Variants in TERT observed in about 807,000 individuals in gnomAD.
The protein encoded by TERT is telomerase catalytic subunit.
In TERT, 42 loss-of-function variants were observed where a neutral mutation model predicts 104.0. The ratio of observed to expected loss-of-function variants is 0.40; its 90% confidence interval spans 0.32 to 0.52. The LOEUF (loss-of-function observed/expected upper bound fraction) is 0.52, where lower values mean the gene tolerates loss of function less well. TERT is among the 20% of genes least tolerant of loss of function. TERT has a pLI of 0.43. For synonymous variants in TERT, 781 were observed against 725.6 expected (o/e 1.08, Z -1.23); for missense variants, 1,101 against 1,610.3 (o/e 0.68, Z 5.41).
Position 1,294,560 on chromosome 5 carries a change from C to T in TERT, c.326G>A (p.Gly109Glu). 6.3e-7 allele frequency: 1 copy of T among 1,581,530 alleles called. No homozygotes were observed. Among genetic ancestry groups the T allele is most frequent in the Middle Eastern group, 1.7e-4 (1 of 5,960 alleles). ...GGTGGTGAAGGCCTCGGGGGGGCCC[C>T]CGCGGGCCCCGTCCAGCAGCGCGAA... ...FGFALLDGAR[G>E]GPPEAFTTSV... is the part of the protein sequence containing the mutation. Residue 109 changes from glycine (G) to glutamate (E), a missense_variant, in exon 2 of 16, where the codon GGG becomes GAG. Physicochemically the swap from Gly to Glu is moderately conservative, Grantham distance 98. This residue lies in a region of TERT where 47 missense variants were observed against 105.3 expected (regional missense o/e 0.45). Transcript: ENST00000310581.
intron 3 of TERT, among the ~76,000 whole-genome samples, 178 bp from the exon 4 acceptor site, chr5:1,280,516 C>T (rs974987187): frequency 6.6e-6 from 1 of 152,176 alleles, no homozygotes; most frequent in Admixed American, 6.5e-5. Context: ...CTCTGAGAGC[C>T]CCTCTACTTG....
At chr5:1,254,268 T>C in intron 15 of TERT, 100 bp downstream of exon 15, 8 of 1,549,856 alleles carry the variant, frequency 5.2e-6, no homozygotes, top group Non-Finnish European at 6.2e-6. Context: ...CCCGGGGGCG[T>C]CTGCACTTCA....
rs1188675417 is a variant in TERT at position 1,274,852 on chromosome 5, G to A, written c.2287-2572C>T. Among the ~76,000 whole-genome samples the A allele has an allele frequency of 6.6e-6, 1 of 152,224 alleles. No individual in the cohort carries two copies. Among genetic ancestry groups the A allele is most frequent in the African/African-American group, 2.4e-5 (1 of 41,450 alleles). ...ATAATCGAAACTTTTCCTTCAAGGA[G>A]CCGGAAAAACAACAATAAACAAAGC... On this transcript the variant is annotated intron_variant, in intron 6 of 15. Transcript: ENST00000310581. The surrounding 1 kb of genome is among the most constrained non-coding windows in gnomAD (Gnocchi z 5.3).
rs1418217664 is a variant in TERT at position 1,274,554 on chromosome 5, C to T, written c.2287-2274G>A. Among the ~76,000 whole-genome samples the T allele has an allele frequency of 6.6e-6, 1 of 152,174 alleles. No homozygotes were observed. Among genetic ancestry groups the T allele is most frequent in the Admixed American group, 6.5e-5 (1 of 15,284 alleles). ...ACCTCAGATCATCAGGCATTAGATT[C>T]CCATAAGGAGCACAGAATCTAGACC... On this transcript the variant is annotated intron_variant, in intron 6 of 15. Transcript: ENST00000310581. The surrounding 1 kb of genome is among the most constrained non-coding windows in gnomAD (Gnocchi z 5.3).
chr5:1,266,326 C>T (rs1748597531), intron 10 of TERT, 138 bp downstream of exon 10: 5 of 867,736 alleles, frequency 5.8e-6, no homozygotes, highest in East Asian at 5.3e-5. Flanking sequence ...AGCGCCTCTG[C>T]TCTTGCGGAT....
chr5:1,256,818 C>G lies in TERT; in HGVS notation c.3033-1407G>C, dbSNP rs1401823243. ...AAACACCTAGCATGGGTGAGGGGCT[C>G]TCTTCCAAAGGGAGAAATAGCCACC... On this transcript the variant is annotated intron_variant, in intron 13 of 15. Coordinates refer to ENST00000310581, the MANE Select transcript of TERT (RefSeq NM_198253.3). The surrounding 1 kb of genome is among the most constrained non-coding windows in gnomAD (Gnocchi z 7.0). Among the ~76,000 whole-genome samples the G allele has an allele frequency of 2.0e-5, 3 of 152,232 alleles. No homozygotes were observed. Among genetic ancestry groups the G allele is most frequent in the Admixed American group, 2.0e-4 (3 of 15,284 alleles).
At chr5:1,289,253 G>GCCT in intron 2 of TERT, among the ~76,000 whole-genome samples, 1 of 144,868 alleles carries the variant, frequency 6.9e-6, no homozygotes, top group African/African-American at 2.6e-5. Flanking sequence ...CCCGGGGATG[G>GCCT]CGCCTCACTC....
At chr5:1,291,685 GCC>G (rs1750991994) in intron 2 of TERT, among the ~76,000 whole-genome samples, 37 of 48,192 alleles carry the variant, frequency 7.7e-4, no homozygotes, top group South Asian at 1.2e-3. Context: ...ACACCCGGGG[GCC>G]GCGCCTCACT....
chr5:1,257,448 C>T lies in TERT; in HGVS notation c.3032+1150G>A, dbSNP rs34153812. On this transcript the variant is annotated intron_variant, in intron 13 of 15. Transcript: ENST00000310581. This position sits in a 1 kb window ranked among gnomAD's most constrained non-coding sequence, Gnocchi z 5.6. ...GTATCCAGCACACCCCAAGGGTTTC[C>T]GGAAAGGAGTCAAGCAGCTTGCACG... is the stretch of plus-strand genomic sequence containing the variant. 4.4e-4 allele frequency among the ~76,000 whole-genome samples: 67 copies of T among 152,222 alleles called. 1 individual carries two copies. Among genetic ancestry groups the T allele is most frequent in the Admixed American group, 1.9e-3 (29 of 15,304 alleles).
chr5:1,292,092 A>G lies in TERT; in HGVS notation c.1573+1221T>C, dbSNP rs1000443957. ...ACAGAAAACGGTGTTAGGAGTGCCAATCTCATGTTATATGACTTTTGCCAC... is the reference window on the plus strand; with the variant it reads ...ACAGAAAACGGTGTTAGGAGTGCCAGTCTCATGTTATATGACTTTTGCCAC... On this transcript the variant is annotated intron_variant, in intron 2 of 15. Coordinates refer to ENST00000310581, the MANE Select transcript of TERT (RefSeq NM_198253.3). The surrounding 1 kb of genome is among the most constrained non-coding windows in gnomAD (Gnocchi z 5.5). 2.6e-5 allele frequency among the ~76,000 whole-genome samples: 4 copies of G among 152,108 alleles called. No homozygotes were observed. In the East Asian group the frequency reaches 7.7e-4, roughly 29 times the overall value.
intron 5 of TERT, 53 bp downstream of exon 5, chr5:1,279,238 G>A: frequency 2.6e-6 from 4 of 1,533,244 alleles, no homozygotes; most frequent in Non-Finnish European, 3.5e-6. Context: ...TGCCAATCAG[G>A]CAGCCACTCC....
At chr5:1,290,680 C>A (rs369243324) in intron 2 of TERT, among the ~76,000 whole-genome samples, 9 of 37,102 alleles carry the variant, frequency 2.4e-4, no homozygotes, top group Admixed American at 6.2e-4. Flanking sequence ...ACCCGGGGAC[C>A]GTGCCTCACT....
In TERT at chr5:1,282,587, A is replaced by G; in HGVS notation, c.1611T>C (p.Arg537=). 1 of 1,614,096 alleles carries G rather than the reference A, an allele frequency of 6.2e-7. No homozygotes were observed. The highest frequency in any genetic ancestry group is 8.5e-7 in the Non-Finnish European group (1 of 1,180,026). ...GCVPAAEHRL[R]EEILAKFLHW... ...GCAGGAACTTGGCCAGGATCTCCTC[A>G]CGCAGACGGTGCTCTGCGGCCGGAA... The change falls in exon 3 of 16, where the codon CGT becomes CGC. Residue 537 remains arginine, a synonymous_variant. Coordinates refer to ENST00000310581, the MANE Select transcript of TERT (RefSeq NM_198253.3).
rs34506158 is a variant in TERT, at chr5:1,254,132, C to G, written c.3295+236G>C. The stretch of plus-strand genomic sequence containing the variant: ...TCAGAAGGCTCCCAAGCGTGGGGAG[C>G]CATCGCCCCTGAGATGGGAAGCAGG... On this transcript the variant is annotated intron_variant, in intron 15 of 15. Coordinates refer to ENST00000310581, the MANE Select transcript of TERT (RefSeq NM_198253.3). 0.062 allele frequency among the ~76,000 whole-genome samples: 9,496 copies of G among 152,196 alleles called. 968 individuals are homozygous for G. The highest frequency in any genetic ancestry group is 0.22 in the African/African-American group (8,976 of 41,488).
intron 2 of TERT, 115 bp downstream of exon 2, chr5:1,293,198 G>T: frequency 7.6e-7 from 1 of 1,324,158 alleles, no homozygotes; most frequent in Non-Finnish European, 1.1e-6. Context: ...GAAAAGCCAC[G>T]TGTGCCCACG....
intron 11 of TERT, 117 bp from the exon 12 acceptor site, chr5:1,260,717 C>T: frequency 6.8e-7 from 1 of 1,461,750 alleles, no homozygotes; most frequent in East Asian, 2.4e-5. Flanking sequence ...CTGCCTGGGG[C>T]ATGCGCTGCA....
chr5:1,260,937 G>A lies in TERT; in HGVS notation c.2844-337C>T, dbSNP rs11133715. On this transcript the variant is annotated intron_variant, in intron 11 of 15. Coordinates refer to ENST00000310581, the MANE Select transcript of TERT (RefSeq NM_198253.3). ...AATAAACTGTGGAGCCCTGGCTCCC[G>A]GGCGTCCCTCGAGTGAACACAGGTG... Among the ~76,000 whole-genome samples, 44,626 of 152,142 alleles carry A rather than the reference G, an allele frequency of 0.29. 7,018 individuals are homozygous for A. The highest frequency in any genetic ancestry group is 0.47 in the Middle Eastern group (137 of 294).
rs1035243476 is a variant in TERT, at chr5:1,288,747, C to A, written c.1573+4566G>T. 7.2e-5 allele frequency among the ~76,000 whole-genome samples: 11 copies of A among 152,294 alleles called. No homozygotes were observed. The highest frequency in any genetic ancestry group is 6.5e-4 in the Admixed American group (10 of 15,290). ...CAGACACAGGCAGCCCAGAGTCCAG[C>A]CTCGGCATGAGACAAGCTGGGAGAG... On this transcript the variant is annotated intron_variant, in intron 2 of 15. Coordinates refer to ENST00000310581, the MANE Select transcript of TERT (RefSeq NM_198253.3). This position sits in a 1 kb window ranked among gnomAD's most constrained non-coding sequence, Gnocchi z 5.3.
intron 9 of TERT, 126 bp from the exon 10 acceptor site, chr5:1,266,661 A>C (rs1004046766): frequency 2.4e-6 from 2 of 845,628 alleles, no homozygotes; most frequent in South Asian, 1.4e-5. Context: ...AAAGCGGTTA[A>C]ATGAAAAACT....
Sources: allele counts gnomAD v4.1 joint callset (sites outside exome capture counted in the v4.1 genomes callset), GRCh38; gene constraint gnomAD v4.1.1; regional missense constraint gnomAD v4.1.1; non-coding constraint Gnocchi (gnomAD v3.1); transcripts MANE v1.5; gene names NCBI Gene and HGNC (gene_info 2026-07-23, HGNC 2026-07-21).